Variants in ANKMY1 observed in about 807,000 individuals in gnomAD.
ANKMY1 encodes the protein ankyrin repeat and MYND domain-containing protein 1.
Under a neutral mutation model 102.0 loss-of-function variants are expected in ANKMY1, and 98 were observed. The observed-to-expected ratio is 0.96, with a 90% CI of 0.82 to 1.14. ANKMY1 has a LOEUF of 1.14. ANKMY1 is among the 50% of genes most tolerant of loss of function. The pLI, the probability that ANKMY1 is intolerant of heterozygous loss-of-function variation, is 0.00. For missense variants in ANKMY1, 1,330 were observed against 1,347.6 expected (o/e 0.99, Z 0.20); for synonymous variants, 582 against 559.9 (o/e 1.04, Z -0.56).
At chr2:240,475,639 T>TAAGA (rs2074803695), downstream of ANKMY1, among the ~76,000 whole-genome samples, 1 of 151,850 alleles carries the variant, frequency 6.6e-6, no homozygotes, top group Non-Finnish European at 1.5e-5. Flanking sequence ...ATTGTTTTCT[T>TAAGA]AATTTCTTTT....
At position 240,506,217 on chromosome 2, in the gene ANKMY1, CACA is replaced by C. The variant is rs372875367; in HGVS notation, c.2526+1340_2526+1342del. ...GTTCAAGGCACATTCAGCGTCCACA[CACA>C]ACAACGCTGCCCCCTGAGCTGCCTC... On this transcript the variant is annotated intron_variant, in intron 13 of 17. Transcript: ENST00000401804. The surrounding 1 kb of genome is among the most constrained non-coding windows in gnomAD (Gnocchi z 4.9). 8.5e-5 allele frequency among the ~76,000 whole-genome samples: 13 copies of C among 152,336 alleles called. No individual in the cohort carries two copies. In the South Asian group the frequency reaches 2.5e-3, roughly 29 times the overall value.
Position 240,520,667 on chromosome 2 carries a change from C to A in ANKMY1, c.1833-134G>T, listed in dbSNP as rs2082046333. ...TGTGTGCCGCAACTACACAATCACACACACAGCACACACCCACACACGCAG... is the reference window on the plus strand; with the variant it reads ...TGTGTGCCGCAACTACACAATCACAAACACAGCACACACCCACACACGCAG... On this transcript the variant is annotated intron_variant, in intron 8 of 17. Transcript: ENST00000401804. The surrounding 1 kb of genome is among the most constrained non-coding windows in gnomAD (Gnocchi z 4.8). 9.2e-7 allele frequency: 1 copy of A among 1,088,094 alleles called. No homozygotes were observed. Among genetic ancestry groups the A allele is most frequent in the Admixed American group, 2.8e-5 (1 of 35,380 alleles). 67.4% of individuals were successfully genotyped at this position (1,088,094 alleles called of 1,614,324 possible).
At chr2:240,522,367 C>T (rs969727532) in intron 8 of ANKMY1, 3 of 152,220 alleles carry the variant, frequency 2.0e-5, no homozygotes, top group Non-Finnish European at 4.4e-5. Flanking sequence ...AGTTATTTTA[C>T]AAAACAAAAC....
At chr2:240,532,092 G>C (rs1373823430) in intron 4 of ANKMY1, 1 of 469,042 alleles carries the variant, frequency 2.1e-6, no homozygotes, top group South Asian at 1.6e-5. Flanking sequence ...AGAAATAACA[G>C]TTGAGAATTT....
At chr2:240,512,075 G>T (rs1252672130) in intron 10 of ANKMY1, 74 bp from the exon 11 acceptor site, 9 of 1,451,802 alleles carry the variant, frequency 6.2e-6, no homozygotes, top group Admixed American at 5.8e-5. Flanking sequence ...CGGAGCAAGG[G>T]AGCTTCCTCC....
At chr2:240,498,490 AGGGGGGTGT>A (rs2077583150) in intron 15 of ANKMY1, among the ~76,000 whole-genome samples, 1 of 21,224 alleles carries the variant, frequency 4.7e-5, no homozygotes, top group Non-Finnish European at 9.5e-5. Context: ...GGTGGAGCTG[AGGGGGGTGT>A]GCGGGCAGCT....
intron 15 of ANKMY1, among the ~76,000 whole-genome samples, chr2:240,494,191 C>T (rs1237977743): frequency 1.3e-5 from 2 of 152,160 alleles, no homozygotes; most frequent in African/African-American, 2.4e-5. Context: ...ATGGAGTGAT[C>T]TTCAGGCAGG....
intron 3 of ANKMY1, chr2:240,553,298 G>A (rs1350959667): frequency 5.6e-6 from 3 of 539,944 alleles, no homozygotes; most frequent in South Asian, 4.1e-5. Context: ...GGGGGACTGT[G>A]GGGAGGCTTA....
intron 15 of ANKMY1, among the ~76,000 whole-genome samples, chr2:240,492,294 A>G (rs551801714): frequency 6.6e-6 from 1 of 152,302 alleles, no homozygotes; most frequent in African/African-American, 2.4e-5. Context: ...ACCTGGCCCT[A>G]CTTCATTAAT....
At chr2:240,487,152 C>G (rs2076147796) in intron 15 of ANKMY1, among the ~76,000 whole-genome samples, 1 of 152,168 alleles carries the variant, frequency 6.6e-6, no homozygotes, top group Non-Finnish European at 1.5e-5. Flanking sequence ...CCTTCCCAGT[C>G]TCTGTTATCT....
intron 4 of ANKMY1, among the ~76,000 whole-genome samples, chr2:240,546,585 G>A (rs2090423138): frequency 1.3e-5 from 2 of 152,118 alleles, no homozygotes; most frequent in South Asian, 4.2e-4. Context: ...AAAGAGTCAA[G>A]ACCCATCAGT....
chr2:240,540,688 A>G (rs571803613), intron 4 of ANKMY1, among the ~76,000 whole-genome samples: 13 of 152,208 alleles, frequency 8.5e-5, no homozygotes, highest in Non-Finnish European at 1.8e-4. Context: ...GCACCTGATT[A>G]AAGCCTTCTT....
intron 4 of ANKMY1, among the ~76,000 whole-genome samples, chr2:240,549,023 T>TTTTC (rs2090995413): frequency 1.3e-5 from 2 of 151,956 alleles, no homozygotes; most frequent in African/African-American, 2.4e-5. Flanking sequence ...ACTTTAAAGT[T>TTTTC]CATATGGAAT....
intron 12 of ANKMY1, among the ~76,000 whole-genome samples, chr2:240,508,793 C>T (rs186680889): frequency 1.9e-4 from 29 of 151,970 alleles, no homozygotes; most frequent in Admixed American, 5.2e-4. Flanking sequence ...AATGGGTGGA[C>T]GGTAGATCCT....
intron 4 of ANKMY1, among the ~76,000 whole-genome samples, chr2:240,537,221 GC>G (rs1268427308): frequency 1.3e-5 from 2 of 152,012 alleles, no homozygotes; most frequent in Non-Finnish European, 2.9e-5. Flanking sequence ...TTGTTTCAAG[GC>G]CTTTTGTTTT....
chr2:240,532,258 G>C (rs549305693), intron 4 of ANKMY1: 5 of 335,596 alleles, frequency 1.5e-5, no homozygotes, highest in South Asian at 1.2e-4. Flanking sequence ...GGAAACAATG[G>C]AGTAGAATCT....
At chr2:240,531,684 C>T (rs1311029446) in intron 4 of ANKMY1, among the ~76,000 whole-genome samples, 2 of 152,098 alleles carry the variant, frequency 1.3e-5, no homozygotes, top group African/African-American at 2.4e-5. Flanking sequence ...AACAGGGAAA[C>T]TACAATGACA....
At chr2:240,501,993 C>T (rs2078269195) in intron 13 of ANKMY1, among the ~76,000 whole-genome samples, 1 of 152,224 alleles carries the variant, frequency 6.6e-6, no homozygotes, top group African/African-American at 2.4e-5. Flanking sequence ...CGGTTCCCTG[C>T]TGGACATCCC....
At chr2:240,501,156 T>C (rs576255090) in intron 13 of ANKMY1, among the ~76,000 whole-genome samples, 2 of 151,540 alleles carry the variant, frequency 1.3e-5, no homozygotes, top group South Asian at 4.2e-4. Flanking sequence ...TGAGCGTGTG[T>C]GGATATGTGC....
Sources: allele counts gnomAD v4.1 joint callset (sites outside exome capture counted in the v4.1 genomes callset), GRCh38; gene constraint gnomAD v4.1.1; non-coding constraint Gnocchi (gnomAD v3.1); transcripts MANE v1.5; gene names NCBI Gene and HGNC (gene_info 2026-07-23, HGNC 2026-07-21).